The following DDHD2 variants were observed in gnomAD, a reference collection of about 807,000 sequenced individuals.
DDHD2 encodes the protein triacylglycerol hydrolase DDHD2.
DDHD2 carries 62 observed loss-of-function variants against 91.2 expected under a neutral mutation model. That is an observed-to-expected ratio of 0.68 (90% CI 0.55 to 0.84). DDHD2 has a LOEUF of 0.84. Ranked by LOEUF, DDHD2 falls within the 40% of genes least tolerant of loss-of-function variation. DDHD2 has a pLI of 0.00. For missense variants in DDHD2, 740 were observed against 846.9 expected (o/e 0.87, Z 1.57); for synonymous variants, 271 against 293.9 (o/e 0.92, Z 0.80).
intron 1 of DDHD2, chr8:38,269,569 C>G: frequency 3.7e-6 from 1 of 268,152 alleles, no homozygotes; most frequent in South Asian, 9.3e-5. Flanking sequence ...CTTAGCAACA[C>G]AGCCGCATTC....
intron 11 of DDHD2, chr8:38,250,010 G>A (rs1462070837): frequency 3.9e-6 from 1 of 253,216 alleles, no homozygotes; most frequent in African/African-American, 2.2e-5. Context: ...TCTGCCTCCC[G>A]GGTTCAAGCG....
intron 1 of DDHD2, chr8:38,270,004 A>G (rs1808385907): frequency 6.6e-6 from 1 of 152,256 alleles, no homozygotes; most frequent in South Asian, 2.1e-4. Context: ...CACGTTTCAC[A>G]CTATGCAATA....
chr8:38,245,670 G>A, intron 7 of DDHD2, 72 bp from the exon 8 acceptor site: 1 of 1,333,958 alleles, frequency 7.5e-7, no homozygotes, highest in Non-Finnish European at 1.1e-6. Context: ...GTTTAAGCTT[G>A]AAGGCTTAAA....
intron 11 of DDHD2, 111 bp downstream of exon 11, chr8:38,249,914 G>A: frequency 1.6e-6 from 1 of 632,074 alleles, no homozygotes; most frequent in Non-Finnish European, 2.7e-6. Context: ...TTTGGTAATT[G>A]ATCTTTGGCT....
chr8:38,239,499 C>T (rs1330906494), intron 5 of DDHD2, among the ~76,000 whole-genome samples: 1 of 150,562 alleles, frequency 6.6e-6, no homozygotes, highest in Non-Finnish European at 1.5e-5. Context: ...TTCTGGCTAA[C>T]ACGGTGAAAC....
chr8:38,244,869 C>G (rs1044607719), intron 7 of DDHD2, among the ~76,000 whole-genome samples: 6 of 152,066 alleles, frequency 3.9e-5, no homozygotes, highest in African/African-American at 1.4e-4. Context: ...TGGCCCTGAA[C>G]AGTATATTTT....
chr8:38,245,500 C>A (rs572394365), intron 7 of DDHD2, among the ~76,000 whole-genome samples: 1 of 151,216 alleles, frequency 6.6e-6, no homozygotes, highest in African/African-American at 2.4e-5. Context: ...CTGTCTACAT[C>A]TGTTGTTTTC....
At chr8:38,242,910 G>A (rs1184517401) in intron 7 of DDHD2, among the ~76,000 whole-genome samples, 1 of 152,202 alleles carries the variant, frequency 6.6e-6, no homozygotes, top group Non-Finnish European at 1.5e-5. Flanking sequence ...GGTAATGACA[G>A]AGAATGTTGC....
chr8:38,265,235 C>T (rs1248061787), downstream of DDHD2, among the ~76,000 whole-genome samples: 2 of 139,162 alleles, frequency 1.4e-5, no homozygotes, highest in Non-Finnish European at 3.0e-5. Context: ...CACTGCACTC[C>T]AGCCTGGGCG....
chr8:38,258,307 A>G (rs1806698965), intron 16 of DDHD2, among the ~76,000 whole-genome samples: 1 of 150,656 alleles, frequency 6.6e-6, no homozygotes, highest in Admixed American at 6.6e-5. Context: ...GCTGAAGTGC[A>G]GTAGTGCAGT....
chr8:38,253,639 A>G lies in DDHD2; in HGVS notation c.1975A>G (p.Ile659Val). The change falls in exon 16 of 18, where the codon ATT becomes GTT. Residue 659 changes from isoleucine (I) to valine (V), a missense_variant. Ile to Val is a conservative substitution (Grantham distance 29, BLOSUM62 3). Transcript: ENST00000397166. ...GGGGATGCTGAATGGAGGCCAACGC[A>G]TTGACTATGTGCTACAGGAGAAGCC... ...NVGMLNGGQR[I>V]DYVLQEKPIE... 1 of 1,614,128 alleles carries G rather than the reference A, an allele frequency of 6.2e-7. No individual in the cohort carries two copies. The highest frequency in any genetic ancestry group is 1.1e-5 in the South Asian group (1 of 91,082).
chr8:38,256,014 A>G (rs74969997), intron 16 of DDHD2, among the ~76,000 whole-genome samples: 77 of 152,254 alleles, frequency 5.1e-4, no homozygotes, highest in African/African-American at 1.8e-3. Flanking sequence ...ATCTTTGCCA[A>G]TTTGTTGGGT....
At chr8:38,268,854 G>T in intron 1 of DDHD2, 1 of 1,528,234 alleles carries the variant, frequency 6.5e-7, no homozygotes, top group East Asian at 2.4e-5. Context: ...TCATGGGGAG[G>T]GAGGAAAGAC....
chr8:38,235,614 G>C (rs1804656139), intron 3 of DDHD2, among the ~76,000 whole-genome samples: 1 of 151,670 alleles, frequency 6.6e-6, no homozygotes, highest in Non-Finnish European at 1.5e-5. Flanking sequence ...CCAGCTACTT[G>C]GGAGGCTGAG....
At chr8:38,268,439 A>T in intron 1 of DDHD2, 1 of 1,574,888 alleles carries the variant, frequency 6.3e-7, no homozygotes, top group Non-Finnish European at 8.6e-7. Context: ...GATCAGAGAC[A>T]GTGGAGAGAG....
At chr8:38,266,364 T>C, downstream of DDHD2, 1 of 1,498,280 alleles carries the variant, frequency 6.7e-7, no homozygotes, top group Non-Finnish European at 9.2e-7. Flanking sequence ...AGCTACCTCA[T>C]TCATCCCCAC....
chr8:38,242,525 C>T (rs374523541), intron 7 of DDHD2, 140 bp downstream of exon 7: 1 of 905,160 alleles, frequency 1.1e-6, no homozygotes. Flanking sequence ...CTGATCAGTC[C>T]CTTGGTTTAA....
downstream of DDHD2, chr8:38,263,631 T>A (rs180929672): frequency 1.7e-5 from 17 of 985,430 alleles, no homozygotes; most frequent in East Asian, 6.8e-4. Context: ...AGTGATAAAT[T>A]ACCCTAGATT....
downstream of DDHD2, chr8:38,267,815 G>A (rs1807895221): frequency 1.1e-5 from 15 of 1,316,398 alleles, no homozygotes; most frequent in Admixed American, 2.0e-4. Flanking sequence ...TGAGAAAGAC[G>A]TGTGGTGGAC....
Sources: allele counts gnomAD v4.1 joint callset (sites outside exome capture counted in the v4.1 genomes callset), GRCh38; gene constraint gnomAD v4.1.1; transcripts MANE v1.5; gene names NCBI Gene and HGNC (gene_info 2026-07-23, HGNC 2026-07-21).